The following PCDHGB1 variants were observed in gnomAD, a reference collection of about 807,000 sequenced individuals.
PCDHGB1 encodes protocadherin gamma-B1.
In PCDHGB1, 34 loss-of-function variants were observed where a neutral mutation model predicts 56.6. The ratio of observed to expected loss-of-function variants is 0.60; its 90% CI spans 0.46 to 0.80. The LOEUF (loss-of-function observed/expected upper bound fraction) is 0.80. PCDHGB1 is among the 30% of genes least tolerant of loss of function. PCDHGB1 has a pLI of 0.00. For synonymous variants in PCDHGB1, 561 were observed against 505.9 expected (o/e 1.11, Z -1.46); for missense variants, 1,278 against 1,204.6 (o/e 1.06, Z -0.90).
intron 2 of PCDHGB1, among the ~76,000 whole-genome samples, chr5:141,500,182 A>T (rs1050067271): frequency 4.6e-5 from 6 of 131,718 alleles, no homozygotes; most frequent in African/African-American, 1.9e-4. Context: ...CTTCATTTTT[A>T]TTTTTATTTA....
intron 1 of PCDHGB1, chr5:141,370,924 A>C: frequency 6.2e-7 from 1 of 1,613,968 alleles, no homozygotes; most frequent in Non-Finnish European, 8.5e-7. Context: ...CCTGATCCGC[A>C]CTTCTCTTTG....
chr5:141,359,914 T>C, intron 1 of PCDHGB1: 1 of 433,842 alleles, frequency 2.3e-6, no homozygotes. Context: ...TTAGTGCAGT[T>C]TCCTGAGAAA....
At chr5:141,369,414 C>T (rs1245319622) in intron 1 of PCDHGB1, among the ~76,000 whole-genome samples, 1 of 152,114 alleles carries the variant, frequency 6.6e-6, no homozygotes, top group African/African-American at 2.4e-5. Context: ...TGACTATAAT[C>T]CCAGCAATTT....
chr5:141,458,463 C>T (rs749353395), intron 1 of PCDHGB1, among the ~76,000 whole-genome samples: 15 of 151,844 alleles, frequency 9.9e-5, no homozygotes, highest in Admixed American at 8.5e-4. Flanking sequence ...TTTAAAATAC[C>T]GTACAACTGC....
rs563654735 is a variant in PCDHGB1 at position 141,365,009 on chromosome 5, C to T, written c.2409+12340C>T. On this transcript the variant is annotated intron_variant, in intron 1 of 3. Coordinates refer to ENST00000523390, the MANE Select transcript of PCDHGB1 (RefSeq NM_018922.3). ...AGACCCGGTACTCTCCGGCACCACG[C>T]ACATCCGTGTTACGGTCCTCGACGC... The T allele has an allele frequency of 7.4e-5, 119 of 1,613,926 alleles. No homozygotes were observed. The East Asian group carries it at 2.6e-3, about 36-fold the overall frequency.
At chr5:141,418,072 G>A in intron 1 of PCDHGB1, 1 of 1,614,058 alleles carries the variant, frequency 6.2e-7, no homozygotes, top group Non-Finnish European at 8.5e-7. Context: ...TGAGCGCGGA[G>A]AAGCTGCACT....
intron 1 of PCDHGB1, among the ~76,000 whole-genome samples, chr5:141,387,227 A>C (rs1220813655): frequency 1.3e-5 from 2 of 152,230 alleles, no homozygotes; most frequent in Non-Finnish European, 2.9e-5. Flanking sequence ...AAGTTGAAAT[A>C]AATCAACTTG....
rs751276470 is a variant in PCDHGB1, at chr5:141,431,560, C to A, written c.2410-63247C>A. 6.2e-7 allele frequency: 1 copy of A among 1,614,104 alleles called. No individual in the cohort carries two copies. On this transcript the variant is annotated intron_variant, in intron 1 of 3. Coordinates refer to ENST00000523390, the MANE Select transcript of PCDHGB1 (RefSeq NM_018922.3). This position sits in a 1 kb window ranked among gnomAD's most constrained non-coding sequence, Gnocchi z 4.8. ...CGCAGCTGCTTGTAGTCAACGCTAC[C>A]GACCCTGACGAAGGAGTCAATGCGG...
intron 1 of PCDHGB1, chr5:141,379,257 A>G (rs1561582852): frequency 6.6e-6 from 1 of 152,234 alleles, no homozygotes. Flanking sequence ...TTTACATTTA[A>G]GGAATTGTTA....
At chr5:141,500,188 ATT>A (rs2099797463) in intron 2 of PCDHGB1, among the ~76,000 whole-genome samples, 1 of 98,146 alleles carries the variant, frequency 1.0e-5, no homozygotes, top group African/African-American at 5.1e-5. Flanking sequence ...TTTTATTTTT[ATT>A]TATTTATTTA....
chr5:141,471,206 T>C (rs113465424), intron 1 of PCDHGB1: 16,891 of 151,686 alleles, frequency 0.11, 970 homozygotes, highest in South Asian at 0.15. Context: ...CCCACCCCCA[T>C]GCCTGGCAAT....
chr5:141,479,453 A>G (rs994349416), intron 1 of PCDHGB1: 1 of 152,266 alleles, frequency 6.6e-6, no homozygotes, highest in Non-Finnish European at 1.5e-5. Context: ...TAAGTTCAGC[A>G]TGAATACAGT....
chr5:141,458,409 G>C (rs188300064), intron 1 of PCDHGB1, among the ~76,000 whole-genome samples: 1 of 152,244 alleles, frequency 6.6e-6, no homozygotes, highest in African/African-American at 2.4e-5. Context: ...GAGACGGAGC[G>C]GGGGTTCCAA....
At chr5:141,436,208 A>G (rs1287696925) in intron 1 of PCDHGB1, among the ~76,000 whole-genome samples, 1 of 152,152 alleles carries the variant, frequency 6.6e-6, no homozygotes, top group Non-Finnish European at 1.5e-5. Context: ...CATAATAGGA[A>G]AACAAATGAC....
intron 1 of PCDHGB1, among the ~76,000 whole-genome samples, chr5:141,380,119 C>G (rs1776230569): frequency 6.6e-6 from 1 of 151,916 alleles, no homozygotes; most frequent in Non-Finnish European, 1.5e-5. Flanking sequence ...AGGCTGGTCT[C>G]AAACTCCTGA....
intron 1 of PCDHGB1, among the ~76,000 whole-genome samples, chr5:141,458,909 T>G (rs548847649): frequency 6.6e-6 from 1 of 152,192 alleles, no homozygotes; most frequent in African/African-American, 2.4e-5. Context: ...TTTTTTCTAT[T>G]TTTTGTGGAG....
chr5:141,369,965 TA>T (rs2149954345), intron 1 of PCDHGB1, among the ~76,000 whole-genome samples: 1 of 152,346 alleles, frequency 6.6e-6, no homozygotes, highest in African/African-American at 2.4e-5. Flanking sequence ...CTTTGACAAG[TA>T]AAAGGTACTT....
At chr5:141,420,046 A>G (rs772981030) in intron 1 of PCDHGB1, 6 of 1,614,048 alleles carry the variant, frequency 3.7e-6, no homozygotes, top group South Asian at 1.1e-5. Context: ...GCTTTGAGTC[A>G]GTTCTCTGCT....
chr5:141,394,475 C>T (rs1205262995), intron 1 of PCDHGB1: 1 of 1,614,242 alleles, frequency 6.2e-7, no homozygotes, highest in South Asian at 1.1e-5. Context: ...TCGTGCTGGA[C>T]CAGAATGACA....
Sources: allele counts gnomAD v4.1 joint callset (sites outside exome capture counted in the v4.1 genomes callset), GRCh38; gene constraint gnomAD v4.1.1; non-coding constraint Gnocchi (gnomAD v3.1); transcripts MANE v1.5; gene names NCBI Gene and HGNC (gene_info 2026-07-23, HGNC 2026-07-21).